The following TAFA2 variants were observed in gnomAD, a reference collection of about 807,000 sequenced individuals.
TAFA2 encodes TAFA chemokine like family member 2, also known as chemokine-like protein TAFA-2.
TAFA2 carries 7 observed loss-of-function variants against 18.8 expected under a neutral mutation model. That is an observed-to-expected ratio of 0.37 (90% CI 0.21 to 0.70). The LOEUF is 0.70. TAFA2 is among the 30% of genes least tolerant of loss of function. The pLI, the probability that TAFA2 is intolerant of heterozygous loss-of-function variation, is 0.53. For missense variants in TAFA2, 122 were observed against 158.1 expected (o/e 0.77, Z 1.23); for synonymous variants, 60 against 54.2 (o/e 1.11, Z -0.47).
intron 1 of TAFA2, among the ~76,000 whole-genome samples, chr12:61,977,285 A>C (rs933332516): frequency 6.6e-6 from 1 of 152,064 alleles, no homozygotes; most frequent in African/African-American, 2.4e-5. Context: ...GATAAAATAC[A>C]TCATCTCCAA....
chr12:62,023,834 A>C (rs1344228216), intron 1 of TAFA2: 3 of 152,170 alleles, frequency 2.0e-5, no homozygotes, highest in African/African-American at 4.8e-5. Context: ...AATCTCCCCC[A>C]AAAACTTCCC....
intron 1 of TAFA2, among the ~76,000 whole-genome samples, chr12:61,882,796 T>C (rs1328833743): frequency 6.6e-6 from 1 of 152,192 alleles, no homozygotes; most frequent in East Asian, 1.9e-4. Context: ...TAAGAATACT[T>C]GGATTCAAGA....
At chr12:61,869,093 C>T (rs139856845) in intron 1 of TAFA2, among the ~76,000 whole-genome samples, 154 of 152,186 alleles carry the variant, frequency 1.0e-3, no homozygotes, top group African/African-American at 3.6e-3. Flanking sequence ...CTTGTCCATT[C>T]GTGAGATGAT....
At chr12:61,811,257 C>A (rs2121007924) in intron 2 of TAFA2, among the ~76,000 whole-genome samples, 1 of 151,264 alleles carries the variant, frequency 6.6e-6, no homozygotes, top group East Asian at 1.9e-4. Flanking sequence ...TGTATTATCA[C>A]ATTTAATTCA....
intron 1 of TAFA2, among the ~76,000 whole-genome samples, chr12:61,921,022 A>G (rs1877030069): frequency 6.6e-6 from 1 of 152,170 alleles, no homozygotes; most frequent in Non-Finnish European, 1.5e-5. Flanking sequence ...TTCAGAGGCC[A>G]GTGTGGCTGG....
At chr12:62,203,232 T>A (rs2062679117) in intron 1 of TAFA2, among the ~76,000 whole-genome samples, 1 of 152,246 alleles carries the variant, frequency 6.6e-6, no homozygotes, top group East Asian at 1.9e-4. Context: ...TCTTTTGCAT[T>A]TGCTGAGGAG....
At chr12:61,838,084 A>C (rs1044554985) in intron 2 of TAFA2, among the ~76,000 whole-genome samples, 1 of 151,996 alleles carries the variant, frequency 6.6e-6, no homozygotes, top group Non-Finnish European at 1.5e-5. Context: ...AAGAGAAGAG[A>C]ATCAATGCCT....
At chr12:61,966,750 A>G (rs565140739) in intron 1 of TAFA2, among the ~76,000 whole-genome samples, 20 of 151,928 alleles carry the variant, frequency 1.3e-4, no homozygotes, top group Non-Finnish European at 2.7e-4. Flanking sequence ...ATGTAATTCC[A>G]TCTCAAGGAG....
chr12:62,042,215 C>T (rs984982685), intron 1 of TAFA2, among the ~76,000 whole-genome samples: 3 of 151,890 alleles, frequency 2.0e-5, no homozygotes, highest in Non-Finnish European at 4.4e-5. Flanking sequence ...AGCAAAAGCA[C>T]GTAAATACTC....
At chr12:62,047,016 G>C (rs1395930599) in intron 1 of TAFA2, among the ~76,000 whole-genome samples, 1 of 151,776 alleles carries the variant, frequency 6.6e-6, no homozygotes, top group Admixed American at 6.6e-5. Flanking sequence ...TATTCATTAG[G>C]TTAACACCCA....
chr12:61,832,932 G>C (rs74442584), intron 2 of TAFA2, among the ~76,000 whole-genome samples: 2,722 of 150,912 alleles, frequency 0.018, 77 homozygotes, highest in African/African-American at 0.063. Context: ...TGATTTATTC[G>C]TCAATTCACT....
At chr12:61,939,236 G>C (rs1380938321) in intron 1 of TAFA2, among the ~76,000 whole-genome samples, 1 of 152,132 alleles carries the variant, frequency 6.6e-6, no homozygotes, top group Non-Finnish European at 1.5e-5. Context: ...ACATTAATGA[G>C]ATTTGTGTGT....
intron 1 of TAFA2, among the ~76,000 whole-genome samples, chr12:62,119,525 T>C (rs529827220): frequency 3.3e-5 from 5 of 152,192 alleles, no homozygotes; most frequent in Non-Finnish European, 7.3e-5. Flanking sequence ...GCATAATCAT[T>C]GCTCCACATA....
chr12:61,897,564 G>A (rs1285300030), intron 1 of TAFA2, among the ~76,000 whole-genome samples: 4 of 137,618 alleles, frequency 2.9e-5, no homozygotes, highest in Non-Finnish European at 6.2e-5. Context: ...GAGTGTGAAG[G>A]AGGAACTGTC....
At chr12:61,739,233 T>C (rs1037137480) in intron 4 of TAFA2, among the ~76,000 whole-genome samples, 24 of 152,174 alleles carry the variant, frequency 1.6e-4, no homozygotes, top group East Asian at 3.9e-4. Flanking sequence ...TTAATCATTA[T>C]GCCATCCTTG....
chr12:62,201,554 A>C (rs1310610024), intron 1 of TAFA2, among the ~76,000 whole-genome samples: 1 of 152,196 alleles, frequency 6.6e-6, no homozygotes, highest in Non-Finnish European at 1.5e-5. Context: ...TGATTTGCAT[A>C]TGTTGAACCA....
chr12:61,912,054 C>T (rs535265138), intron 1 of TAFA2, among the ~76,000 whole-genome samples: 10 of 152,164 alleles, frequency 6.6e-5, no homozygotes, highest in Non-Finnish European at 1.0e-4. Context: ...TGCCTGTGTG[C>T]TAAGCACTTT....
intron 1 of TAFA2, among the ~76,000 whole-genome samples, chr12:61,985,816 AGTT>A (rs1879792095): frequency 6.6e-6 from 1 of 152,194 alleles, no homozygotes; most frequent in African/African-American, 2.4e-5. Context: ...AAGGTTAAGA[AGTT>A]GTGTTATGAT....
chr12:62,041,163 T>C (rs1881747252), intron 1 of TAFA2, among the ~76,000 whole-genome samples: 1 of 152,228 alleles, frequency 6.6e-6, no homozygotes, highest in South Asian at 2.1e-4. Flanking sequence ...GCAGGCATTA[T>C]GTTATTGATT....
Sources: gnomAD v4.1 joint callset for allele counts (sites outside exome capture counted in the v4.1 genomes callset) on GRCh38, gnomAD v4.1.1 for gene constraint, MANE v1.5 for transcripts, NCBI Gene and HGNC (gene_info 2026-07-23, HGNC 2026-07-21) for gene names.